The following LRP1B variants were observed in gnomAD, a reference collection of about 807,000 sequenced individuals.
LRP1B encodes LDL receptor related protein 1B.
In LRP1B, 217 loss-of-function variants were observed where a neutral mutation model predicts 556.6. That is an observed-to-expected ratio of 0.39 (90% CI 0.35 to 0.44). LRP1B has a LOEUF of 0.44. Among genes scored for constraint, LRP1B ranks in the 20% least tolerant of loss-of-function variants. The probability of loss-of-function intolerance (pLI) is 1.00; values close to 1 mark genes in which losing one functional copy is unlikely to be tolerated. For synonymous variants in LRP1B, 2,047 were observed against 1,865.8 expected (o/e 1.10, Z -2.50); for missense variants, 5,053 against 5,620.8 (o/e 0.90, Z 3.23).
chr2:141,146,992 T>C (rs143670204), intron 7 of LRP1B, among the ~76,000 whole-genome samples: 52 of 152,306 alleles, frequency 3.4e-4, no homozygotes, highest in African/African-American at 1.2e-3. Context: ...CACCTGAGCA[T>C]CCTCCTACTA....
At chr2:140,642,931 T>C (rs1684354858) in intron 41 of LRP1B, among the ~76,000 whole-genome samples, 1 of 152,214 alleles carries the variant, frequency 6.6e-6, no homozygotes, top group South Asian at 2.1e-4. Flanking sequence ...TGACTCTCTG[T>C]TCATATGCAC....
chr2:141,125,491 T>C (rs1184385068), intron 7 of LRP1B, among the ~76,000 whole-genome samples: 1 of 152,210 alleles, frequency 6.6e-6, no homozygotes, highest in African/African-American at 2.4e-5. Context: ...CTGATGATGC[T>C]AGCATTCTCT....
At chr2:141,573,989 G>T (rs557836933) in intron 2 of LRP1B, among the ~76,000 whole-genome samples, 1 of 152,204 alleles carries the variant, frequency 6.6e-6, no homozygotes, top group South Asian at 2.1e-4. Flanking sequence ...GGACTAGATA[G>T]AGTTACAGCT....
chr2:140,660,462 T>C (rs1685051693), intron 41 of LRP1B, among the ~76,000 whole-genome samples: 1 of 152,178 alleles, frequency 6.6e-6, no homozygotes, highest in Non-Finnish European at 1.5e-5. Flanking sequence ...TTATAAATGC[T>C]GTATAAGTTA....
chr2:140,648,762 C>T (rs1218026960), intron 41 of LRP1B, among the ~76,000 whole-genome samples: 1 of 152,100 alleles, frequency 6.6e-6, no homozygotes, highest in Non-Finnish European at 1.5e-5. Context: ...TGTGAGATCC[C>T]AGGAGCCAGA....
intron 3 of LRP1B, among the ~76,000 whole-genome samples, chr2:141,380,640 A>G (rs1025718609): frequency 2.0e-5 from 3 of 152,136 alleles, no homozygotes; most frequent in East Asian, 1.9e-4. Context: ...TTCTAAACAC[A>G]TGTGCATGTA....
intron 2 of LRP1B, among the ~76,000 whole-genome samples, chr2:141,746,799 A>T (rs1693930665): frequency 6.6e-6 from 1 of 152,180 alleles, no homozygotes; most frequent in Non-Finnish European, 1.5e-5. Context: ...ATAAGATTAA[A>T]TGTCATATTA....
At chr2:141,262,308 C>T (rs914584447) in intron 3 of LRP1B, among the ~76,000 whole-genome samples, 8 of 151,086 alleles carry the variant, frequency 5.3e-5, no homozygotes. Flanking sequence ...CATGTGTGAG[C>T]GTGTATATGT....
At chr2:140,290,193 G>T (rs919679929) in intron 84 of LRP1B, among the ~76,000 whole-genome samples, 14 of 152,072 alleles carry the variant, frequency 9.2e-5, no homozygotes, top group African/African-American at 3.1e-4. Flanking sequence ...GAGAAGTGCT[G>T]AGATTCTAGG....
chr2:141,871,903 T>C (rs905472124), intron 1 of LRP1B, among the ~76,000 whole-genome samples: 4 of 151,852 alleles, frequency 2.6e-5, no homozygotes, highest in Admixed American at 2.6e-4. Flanking sequence ...CTTCAAATGA[T>C]GTGTAACAAG....
chr2:141,455,676 A>T (rs560280947), intron 3 of LRP1B, among the ~76,000 whole-genome samples: 17 of 152,244 alleles, frequency 1.1e-4, no homozygotes, highest in Admixed American at 3.9e-4. Flanking sequence ...CCACCTAAAG[A>T]TGTACGTTTT....
At chr2:141,944,829 C>A (rs144878656) in intron 1 of LRP1B, among the ~76,000 whole-genome samples, 1 of 152,102 alleles carries the variant, frequency 6.6e-6, no homozygotes, top group Non-Finnish European at 1.5e-5. Flanking sequence ...ATCTACCATG[C>A]CCTTTCTTCT....
chr2:140,422,416 T>G lies in LRP1B; in HGVS notation c.10414+20088A>C, dbSNP rs552541979. On this transcript the variant is annotated intron_variant, in intron 66 of 90. Coordinates refer to ENST00000389484, the MANE Select transcript of LRP1B (RefSeq NM_018557.3). ...CACACAGCAGTGGAGAACAGTGAGA[T>G]ATTTAACACATTATATGACTAAATA... Among the ~76,000 whole-genome samples the G allele has an allele frequency of 4.6e-5, 7 of 152,316 alleles. No homozygotes were observed. The East Asian group carries it at 1.4e-3, about 29-fold the overall frequency.
chr2:140,982,386 A>G (rs999285597), intron 17 of LRP1B, 110 bp from the exon 18 acceptor site: 11 of 647,708 alleles, frequency 1.7e-5, no homozygotes, highest in Non-Finnish European at 2.9e-5. Flanking sequence ...ATGTTTCTCT[A>G]TTAAAATAAA....
Position 141,121,754 on chromosome 2 carries a change from T to G in LRP1B, c.1014-59481A>C, listed in dbSNP as rs541310892. 4.2e-4 allele frequency among the ~76,000 whole-genome samples: 63 copies of G among 150,268 alleles called. 1 individual carries two copies. The highest frequency in any genetic ancestry group is 3.6e-3 in the Admixed American group (54 of 14,934). ...CACAGAATTGGGAAAAAAACTACTT[T>G]AAAGTTCATATGGAACCAAAAAAGA... On this transcript the variant is annotated intron_variant, in intron 7 of 90. Coordinates refer to ENST00000389484, the MANE Select transcript of LRP1B (RefSeq NM_018557.3).
At chr2:140,642,887 G>T (rs1448277885) in intron 41 of LRP1B, among the ~76,000 whole-genome samples, 2 of 151,994 alleles carry the variant, frequency 1.3e-5, no homozygotes, top group Non-Finnish European at 2.9e-5. Context: ...AATGGACTAA[G>T]AATATTTCTT....
At chr2:140,304,705 G>T (rs1037370750) in intron 83 of LRP1B, among the ~76,000 whole-genome samples, 1 of 152,124 alleles carries the variant, frequency 6.6e-6, no homozygotes, top group African/African-American at 2.4e-5. Context: ...ATTGCTTTTG[G>T]TGTTTTAGAC....
intron 77 of LRP1B, among the ~76,000 whole-genome samples, chr2:140,343,376 C>T (rs147479599): frequency 7.5e-4 from 113 of 151,624 alleles, no homozygotes; most frequent in Admixed American, 5.3e-3. Flanking sequence ...TCTTTAATCT[C>T]GCATTTTCAC....
At chr2:141,498,099 C>G (rs1244814516) in intron 2 of LRP1B, among the ~76,000 whole-genome samples, 5 of 151,906 alleles carry the variant, frequency 3.3e-5, no homozygotes, top group Non-Finnish European at 7.4e-5. Flanking sequence ...ACCTATATAA[C>G]ATTAGTATTT....
Sources: allele counts gnomAD v4.1 joint callset (sites outside exome capture counted in the v4.1 genomes callset), GRCh38; gene constraint gnomAD v4.1.1; transcripts MANE v1.5; gene names NCBI Gene and HGNC (gene_info 2026-07-23, HGNC 2026-07-21).